NTRK3: variants seen among roughly 807,000 people sequenced by gnomAD.
NTRK3 encodes neurotrophic receptor tyrosine kinase 3.
In NTRK3, 24 loss-of-function variants were observed where a neutral mutation model predicts 91.7. That is an observed-to-expected ratio of 0.26 (90% CI 0.19 to 0.37). The LOEUF (loss-of-function observed/expected upper bound fraction) is 0.37. Ranked by LOEUF, NTRK3 falls within the 10% of genes least tolerant of loss-of-function variation. The pLI is 1.00. For missense variants in NTRK3, 880 were observed against 1,068.9 expected (o/e 0.82, Z 2.46); for synonymous variants, 483 against 404.0 (o/e 1.20, Z -2.34).
At chr15:88,047,773 T>C (rs1310898538) in intron 13 of NTRK3, among the ~76,000 whole-genome samples, 2 of 152,192 alleles carry the variant, frequency 1.3e-5, no homozygotes, top group African/African-American at 4.8e-5. Flanking sequence ...TTATCTGTTG[T>C]TCCAGCATCA....
intron 13 of NTRK3, among the ~76,000 whole-genome samples, chr15:88,075,051 T>C (rs980728170): frequency 3.3e-5 from 5 of 152,184 alleles, no homozygotes; most frequent in Non-Finnish European, 5.9e-5. Flanking sequence ...TAATGGACTA[T>C]AAGGCACCTC....
chr15:88,126,519 G>C, intron 12 of NTRK3, 146 bp from the exon 13 acceptor site: 1 of 602,266 alleles, frequency 1.7e-6, no homozygotes, highest in South Asian at 2.1e-5. Flanking sequence ...AAGGTCTTTA[G>C]AAGAAGAAAT....
chr15:88,180,418 A>G (rs2046350684), intron 5 of NTRK3, among the ~76,000 whole-genome samples: 1 of 152,188 alleles, frequency 6.6e-6, no homozygotes, highest in South Asian at 2.1e-4. Flanking sequence ...ATGGTCAGTC[A>G]CTCATAAACC....
intron 14 of NTRK3, among the ~76,000 whole-genome samples, chr15:87,969,849 G>A (rs2073112388): frequency 6.6e-6 from 1 of 152,180 alleles, no homozygotes. Flanking sequence ...GTCCAGCTGT[G>A]ACAGAGAGGG....
intron 5 of NTRK3, among the ~76,000 whole-genome samples, chr15:88,156,158 A>T (rs1302865900): frequency 6.6e-6 from 1 of 152,202 alleles, no homozygotes; most frequent in African/African-American, 2.4e-5. Flanking sequence ...AGTTTGTTTT[A>T]TGAGAAGGAA....
intron 13 of NTRK3, among the ~76,000 whole-genome samples, chr15:88,075,199 A>T (rs1012593883): frequency 6.6e-6 from 1 of 152,020 alleles, no homozygotes; most frequent in African/African-American, 2.4e-5. Context: ...CATGAACTTG[A>T]CCACCCTGGC....
At chr15:87,948,055 A>ATAGAAGG (rs2070747501) in intron 14 of NTRK3, among the ~76,000 whole-genome samples, 1 of 152,082 alleles carries the variant, frequency 6.6e-6, no homozygotes, top group African/African-American at 2.4e-5. Context: ...GCTGGGTCTC[A>ATAGAAGG]CCTCACGCCT....
intron 17 of NTRK3, among the ~76,000 whole-genome samples, chr15:87,886,895 T>A (rs1207313614): frequency 1.3e-5 from 2 of 151,522 alleles, no homozygotes; most frequent in African/African-American, 4.8e-5. Context: ...AAAATTAATA[T>A]TTTTAAAAGA....
chr15:88,254,379 C>A (rs983523668), intron 3 of NTRK3, among the ~76,000 whole-genome samples: 2 of 152,142 alleles, frequency 1.3e-5, no homozygotes, highest in African/African-American at 4.8e-5. Flanking sequence ...TCCCTGCTGA[C>A]CCCCGCCCCT....
chr15:87,990,943 C>A (rs964882545), intron 14 of NTRK3, among the ~76,000 whole-genome samples: 4 of 152,354 alleles, frequency 2.6e-5, no homozygotes, highest in African/African-American at 7.2e-5. Flanking sequence ...CTAACCTCCA[C>A]TGTTTTGCAG....
At chr15:88,227,448 A>G (rs369643291) in intron 3 of NTRK3, among the ~76,000 whole-genome samples, 1 of 152,174 alleles carries the variant, frequency 6.6e-6, no homozygotes, top group East Asian at 1.9e-4. Flanking sequence ...GCCTTAATCC[A>G]ATGTGACTGG....
At chr15:88,180,427 C>T (rs886835318) in intron 5 of NTRK3, among the ~76,000 whole-genome samples, 1 of 152,178 alleles carries the variant, frequency 6.6e-6, no homozygotes, top group Admixed American at 6.5e-5. Flanking sequence ...CACTCATAAA[C>T]CATGACGTAA....
At chr15:88,126,298 C>A (rs2151106164) in exon 13 of NTRK3, 2 of 1,613,914 alleles carry the variant, frequency 1.2e-6, no homozygotes, top group South Asian at 1.1e-5. Flanking sequence ...GACCGTCGAC[C>A]ATATTTGTTG....
At chr15:88,102,334 A>T (rs1054374359) in intron 13 of NTRK3, among the ~76,000 whole-genome samples, 1 of 152,232 alleles carries the variant, frequency 6.6e-6, no homozygotes, top group African/African-American at 2.4e-5. Flanking sequence ...AAAAAAACAC[A>T]ATCTTTCTAT....
At chr15:88,159,155 T>C (rs1054829915) in intron 5 of NTRK3, among the ~76,000 whole-genome samples, 2 of 152,208 alleles carry the variant, frequency 1.3e-5, no homozygotes, top group Non-Finnish European at 2.9e-5. Flanking sequence ...CATTACTTTT[T>C]AGCCAGGCCA....
At chr15:88,170,109 G>T (rs1297769054) in intron 5 of NTRK3, among the ~76,000 whole-genome samples, 1 of 152,164 alleles carries the variant, frequency 6.6e-6, no homozygotes, top group Non-Finnish European at 1.5e-5. Flanking sequence ...GCCCTCAACA[G>T]ATGTTCCTGG....
At chr15:88,256,560 C>A in intron 1 of NTRK3, 74 bp from the exon 2 acceptor site, 1 of 502,992 alleles carries the variant, frequency 2.0e-6, no homozygotes, top group South Asian at 3.8e-5. Context: ...CTAAAGTCAC[C>A]AAGTCCCACC....
chr15:87,875,139 C>T (rs905580094), exon 19 of NTRK3: 4 of 231,340 alleles, frequency 1.7e-5, no homozygotes, highest in African/African-American at 6.6e-5. Flanking sequence ...CTAACCAGGA[C>T]GTCCAGGCTG....
rs573045630 is a variant in NTRK3, at chr15:87,954,863, C to T, written c.1586-14110G>A. Reference sequence around the variant, plus strand: ...GCACCCATAAATTCCCTGACAGCCACAGCGTCTGTCTTTTTTAGTAAGTCC... The same window carrying T: ...GCACCCATAAATTCCCTGACAGCCATAGCGTCTGTCTTTTTTAGTAAGTCC... On this transcript the variant is annotated intron_variant, in intron 14 of 18. Coordinates refer to ENST00000394480, the Ensembl canonical transcript of NTRK3. Among the ~76,000 whole-genome samples the T allele has an allele frequency of 2.0e-5, 3 of 152,340 alleles. No individual in the cohort carries two copies. The South Asian group carries it at 6.2e-4, about 32-fold the overall frequency.
Sources: gnomAD v4.1 joint callset for allele counts (sites outside exome capture counted in the v4.1 genomes callset) on GRCh38, gnomAD v4.1.1 for gene constraint, MANE v1.5 for transcripts, NCBI Gene and HGNC (gene_info 2026-07-23, HGNC 2026-07-21) for gene names.